MIPEP: variants seen among roughly 807,000 people sequenced by gnomAD.
MIPEP encodes mitochondrial intermediate peptidase.
Under a neutral mutation model 90.3 loss-of-function variants are expected in MIPEP, and 79 were observed. That is an observed-to-expected ratio of 0.87 (90% CI 0.73 to 1.05). The LOEUF is 1.05. MIPEP is among the 50% of genes least tolerant of loss of function. The pLI, the probability that MIPEP is intolerant of heterozygous loss-of-function variation, is 0.00. For missense variants in MIPEP, 940 were observed against 905.6 expected (o/e 1.04, Z -0.49); for synonymous variants, 334 against 315.8 (o/e 1.06, Z -0.61).
chr13:23,832,007 T>C (rs933357156), intron 14 of MIPEP, among the ~76,000 whole-genome samples: 1 of 152,154 alleles, frequency 6.6e-6, no homozygotes, highest in Non-Finnish European at 1.5e-5. Flanking sequence ...GCCACTGCTA[T>C]AGCTTGAGTA....
rs74646986 is a variant in MIPEP at position 23,886,524 on chromosome 13, C to T, written c.190-18G>A. 2,192 of 1,513,934 alleles carry T rather than the reference C, an allele frequency of 1.4e-3. 26 individuals carry two copies. The African/African-American group carries it at 0.027, about 19-fold the overall frequency. The allele number at this position is 1,513,934 out of a possible 1,614,324, so 93.8% of individuals were successfully genotyped here. ...AAAAGACCCTTAGAACCAAAGAATA[C>T]GTCTGATTTATAACCAAAATTCAAA... On this transcript the variant is annotated intron_variant, in intron 1 of 18. Coordinates refer to ENST00000382172, the MANE Select transcript of MIPEP (RefSeq NM_005932.4).
intron 12 of MIPEP, 49 bp from the exon 13 acceptor site, chr13:23,837,805 G>T: frequency 6.9e-7 from 1 of 1,455,856 alleles, no homozygotes; most frequent in South Asian, 1.2e-5. Context: ...TTGGTAATGT[G>T]AAGAGTAAAA....
intron 9 of MIPEP, among the ~76,000 whole-genome samples, chr13:23,861,668 C>T (rs914143445): frequency 1.3e-5 from 2 of 152,062 alleles, no homozygotes; most frequent in Admixed American, 1.3e-4. Context: ...TAGACAACCC[C>T]GGCAATCCTG....
intron 11 of MIPEP, 144 bp downstream of exon 11, chr13:23,841,191 T>C: frequency 4.5e-6 from 3 of 663,928 alleles, no homozygotes; most frequent in Non-Finnish European, 7.3e-6. Flanking sequence ...GAAGTGCAAT[T>C]TGGATTTTTT....
At chr13:23,805,849 G>T in intron 16 of MIPEP, 101 bp downstream of exon 16, 1 of 1,290,168 alleles carries the variant, frequency 7.8e-7, no homozygotes, top group Non-Finnish European at 1.1e-6. Context: ...CAACATAAAT[G>T]TAGGGATTTC....
rs1219595422 is a variant in MIPEP, at chr13:23,761,127, CT to C, written c.1849-911del. ...AAGAGGGGTAATCTGGGAATGCATT[CT>C]TTTTTTTTTTTTTTAAGAAGAGACA... On this transcript the variant is annotated intron_variant, in intron 16 of 18. Transcript: ENST00000382172. Among the ~76,000 whole-genome samples the C allele has an allele frequency of 7.9e-3, 1,097 of 138,714 alleles. 3 individuals are homozygous for C. The highest frequency in any genetic ancestry group is 0.018 in the Middle Eastern group (5 of 274). 91.0% of individuals were successfully genotyped at this position (138,714 alleles called of 152,430 possible). A position where few individuals can be genotyped will look rare whatever the true frequency, so the allele number is the denominator to read the frequency against.
intron 15 of MIPEP, among the ~76,000 whole-genome samples, chr13:23,806,405 C>T (rs373623664): frequency 5.9e-5 from 9 of 152,124 alleles, no homozygotes; most frequent in East Asian, 3.8e-4. Context: ...AGGCCAGGCG[C>T]GGTGGCTCAC....
At chr13:23,876,205 CTATTCT>C (rs1871067020) in intron 4 of MIPEP, among the ~76,000 whole-genome samples, 1 of 152,160 alleles carries the variant, frequency 6.6e-6, no homozygotes, top group Non-Finnish European at 1.5e-5. Context: ...ACCAGAACTA[CTATTCT>C]TATTCTGTTT....
At chr13:23,796,427 C>T (rs1274426318) in intron 16 of MIPEP, among the ~76,000 whole-genome samples, 1 of 150,358 alleles carries the variant, frequency 6.7e-6, no homozygotes, top group Non-Finnish European at 1.5e-5. Flanking sequence ...AAAAAAAAAC[C>T]AAACAAACAA....
chr13:23,845,446 ATTGATT>A (rs1869494935), intron 10 of MIPEP, among the ~76,000 whole-genome samples: 1 of 152,156 alleles, frequency 6.6e-6, no homozygotes, highest in Admixed American at 6.5e-5. Context: ...CAGTTTTATT[ATTGATT>A]TTAACTTTTT....
At chr13:23,750,553 T>C (rs909787008) in intron 18 of MIPEP, among the ~76,000 whole-genome samples, 21 of 152,236 alleles carry the variant, frequency 1.4e-4, no homozygotes, top group African/African-American at 4.8e-4. Flanking sequence ...GGATGCATAC[T>C]GTCCACATGA....
chr13:23,833,817 G>A (rs1335880905), intron 14 of MIPEP, among the ~76,000 whole-genome samples: 7 of 152,006 alleles, frequency 4.6e-5, no homozygotes, highest in South Asian at 2.1e-4. Flanking sequence ...CTGTGTTCGC[G>A]CCCCTCGCCA....
chr13:23,882,815 T>G (rs1871322563), intron 2 of MIPEP, among the ~76,000 whole-genome samples: 1 of 152,190 alleles, frequency 6.6e-6, no homozygotes, highest in South Asian at 2.1e-4. Flanking sequence ...AAAATAACAT[T>G]AGTACCAAAG....
intron 10 of MIPEP, among the ~76,000 whole-genome samples, chr13:23,852,395 G>C (rs1196720251): frequency 1.3e-5 from 2 of 152,128 alleles, no homozygotes; most frequent in Non-Finnish European, 2.9e-5. Context: ...GATGACATGA[G>C]GGCTAGGATT....
chr13:23,739,589 T>C (rs761787183), intron 18 of MIPEP, among the ~76,000 whole-genome samples: 1 of 152,178 alleles, frequency 6.6e-6, no homozygotes, highest in Non-Finnish European at 1.5e-5. Context: ...CATCTGTTGA[T>C]AGGTCATGAT....
intron 16 of MIPEP, among the ~76,000 whole-genome samples, chr13:23,761,382 G>A (rs756685611): frequency 6.6e-6 from 1 of 152,130 alleles, no homozygotes; most frequent in Non-Finnish European, 1.5e-5. Flanking sequence ...TGGTGGAGCC[G>A]GGTGGAGGTG....
intron 16 of MIPEP, among the ~76,000 whole-genome samples, chr13:23,777,816 C>T (rs1375018781): frequency 2.6e-5 from 4 of 152,152 alleles, no homozygotes; most frequent in Admixed American, 1.3e-4. Flanking sequence ...CAGTACTGTG[C>T]TTCTCTAAAC....
At chr13:23,796,434 A>AC (rs781186815) in intron 16 of MIPEP, among the ~76,000 whole-genome samples, 1 of 152,154 alleles carries the variant, frequency 6.6e-6, no homozygotes, top group Non-Finnish European at 1.5e-5. Flanking sequence ...AACCAAACAA[A>AC]CAAAAATTGA....
intron 14 of MIPEP, among the ~76,000 whole-genome samples, chr13:23,816,626 G>C (rs1730663830): frequency 6.6e-6 from 1 of 152,158 alleles, no homozygotes; most frequent in Admixed American, 6.5e-5. Flanking sequence ...GACAGACAGT[G>C]ACTTTGAAGT....
Sources: allele counts gnomAD v4.1 joint callset (sites outside exome capture counted in the v4.1 genomes callset), GRCh38; gene constraint gnomAD v4.1.1; transcripts MANE v1.5; gene names NCBI Gene and HGNC (gene_info 2026-07-23, HGNC 2026-07-21).